SMOC2: variants seen among roughly 807,000 people sequenced by gnomAD.
SMOC2 encodes the protein SPARC-related modular calcium-binding protein 2.
A neutral mutation model predicts 61.4 loss-of-function variants in SMOC2; 39 were observed. The ratio of observed to expected loss-of-function variants is 0.64; its 90% CI spans 0.49 to 0.83. The LOEUF (loss-of-function observed/expected upper bound fraction) is 0.83. Ranked by LOEUF, SMOC2 falls within the 40% of genes least tolerant of loss-of-function variation. The probability of loss-of-function intolerance (pLI) is 0.00; values close to 1 mark genes in which losing one functional copy is unlikely to be tolerated. For synonymous variants in SMOC2, 247 were observed against 239.9 expected, an observed-to-expected ratio of 1.03 and a Z score of -0.27; for missense variants, 556 against 592.9, an observed-to-expected ratio of 0.94 and a Z score of 0.65.
At chr6:168,660,372 G>C (rs1307179310) in intron 11 of SMOC2, among the ~76,000 whole-genome samples, 1 of 152,194 alleles carries the variant, frequency 6.6e-6, no homozygotes, top group Non-Finnish European at 1.5e-5. Flanking sequence ...CTCTGCTAAG[G>C]CTGAGCAGGA....
At chr6:168,621,112 A>C (rs12200109) in intron 9 of SMOC2, among the ~76,000 whole-genome samples, 2 of 150,104 alleles carry the variant, frequency 1.3e-5, no homozygotes, top group Non-Finnish European at 1.5e-5. Flanking sequence ...ACAATCTTTC[A>C]GAAACGTCAG....
intron 4 of SMOC2, among the ~76,000 whole-genome samples, chr6:168,538,967 A>C (rs1217402237): frequency 2.0e-5 from 3 of 152,100 alleles, no homozygotes; most frequent in Non-Finnish European, 4.4e-5. Context: ...CTGTTGTCCC[A>C]TCCCAGGTGG....
At chr6:168,580,416 G>A (rs926515752) in intron 7 of SMOC2, among the ~76,000 whole-genome samples, 10 of 152,188 alleles carry the variant, frequency 6.6e-5, no homozygotes, top group African/African-American at 1.4e-4. Flanking sequence ...TTTTAGGGAC[G>A]GAGGCACCTG....
At chr6:168,527,004 C>T (rs912571273) in intron 3 of SMOC2, among the ~76,000 whole-genome samples, 4 of 152,188 alleles carry the variant, frequency 2.6e-5, no homozygotes, top group Admixed American at 2.0e-4. Flanking sequence ...TAAGGAAAAA[C>T]AAAGTACTAA....
chr6:168,556,048 C>G (rs1784241205), intron 7 of SMOC2, among the ~76,000 whole-genome samples: 1 of 152,170 alleles, frequency 6.6e-6, no homozygotes, highest in African/African-American at 2.4e-5. Flanking sequence ...GGCCTCGGGC[C>G]ATGCGGGTCT....
chr6:168,615,339 C>A (rs1786046200), intron 9 of SMOC2, among the ~76,000 whole-genome samples: 2 of 69,418 alleles, frequency 2.9e-5, no homozygotes, highest in African/African-American at 1.1e-4. Context: ...ACAGCCAGCA[C>A]AGGGCCTCTT....
chr6:168,632,127 G>A (rs1303015414), intron 9 of SMOC2, among the ~76,000 whole-genome samples: 2 of 152,176 alleles, frequency 1.3e-5, no homozygotes, highest in African/African-American at 4.8e-5. Flanking sequence ...ATCTTCATCT[G>A]AAATTTTGTC....
chr6:168,599,965 CACAT>C (rs1785495495), intron 8 of SMOC2, among the ~76,000 whole-genome samples: 1 of 150,116 alleles, frequency 6.7e-6, no homozygotes, highest in Admixed American at 6.6e-5. Flanking sequence ...CACTCACACA[CACAT>C]ACTCTCCCCA....
chr6:168,461,921 C>T lies in SMOC2; in HGVS notation c.84+20467C>T, dbSNP rs559427453. On this transcript the variant is annotated intron_variant, in intron 1 of 12. Transcript: ENST00000356284. The stretch of plus-strand genomic sequence containing the variant: ...GATACGATGTGCATCACTAGGCTCA[C>T]GTGGCAATGGGATGATGCCTTAGTG... Among the ~76,000 whole-genome samples the T allele has an allele frequency of 7.1e-4, 108 of 152,324 alleles. 1 individual carries two copies. The highest frequency in any genetic ancestry group is 3.1e-3 in the Admixed American group (47 of 15,300).
intron 1 of SMOC2, among the ~76,000 whole-genome samples, chr6:168,448,934 A>G (rs1562534847): frequency 2.0e-5 from 3 of 151,982 alleles, no homozygotes; most frequent in African/African-American, 7.3e-5. Context: ...AATATTTTCC[A>G]ATTTTACTAT....
chr6:168,531,011 C>T (rs547453220), intron 4 of SMOC2, among the ~76,000 whole-genome samples: 1 of 152,248 alleles, frequency 6.6e-6, no homozygotes, highest in East Asian at 1.9e-4. Context: ...CTCAGTGGTG[C>T]CGTGCGCTAA....
chr6:168,559,743 T>C (rs1323333784), intron 7 of SMOC2, among the ~76,000 whole-genome samples: 1 of 152,174 alleles, frequency 6.6e-6, no homozygotes, highest in African/African-American at 2.4e-5. Context: ...TCCCTAGCTG[T>C]GAGCAATTAA....
chr6:168,659,048 GGC>G (rs879333463), intron 11 of SMOC2, among the ~76,000 whole-genome samples: 363 of 95,294 alleles, frequency 3.8e-3, no homozygotes, highest in Non-Finnish European at 5.9e-3. Flanking sequence ...GTGTGTGTGT[GGC>G]GTGTGGGGTG....
intron 9 of SMOC2, among the ~76,000 whole-genome samples, chr6:168,631,219 G>T (rs544089065): frequency 1.3e-5 from 2 of 152,202 alleles, no homozygotes; most frequent in South Asian, 4.2e-4. Flanking sequence ...TTTGTACTCT[G>T]TCCCTTTATT....
chr6:168,474,471 C>G (rs1046278246), intron 1 of SMOC2, among the ~76,000 whole-genome samples: 16 of 152,148 alleles, frequency 1.1e-4, no homozygotes, highest in African/African-American at 3.9e-4. Context: ...CGTCTGAGCT[C>G]TCTCTGCTGG....
At chr6:168,663,007 A>T (rs1787561255) in intron 11 of SMOC2, among the ~76,000 whole-genome samples, 1 of 152,200 alleles carries the variant, frequency 6.6e-6, no homozygotes, top group Non-Finnish European at 1.5e-5. Context: ...CCACATGGAG[A>T]TAACGAAGTT....
intron 1 of SMOC2, among the ~76,000 whole-genome samples, chr6:168,473,278 T>C (rs1775397692): frequency 6.6e-6 from 1 of 152,098 alleles, no homozygotes; most frequent in African/African-American, 2.4e-5. Context: ...ATTCTGGCAT[T>C]ACTGAAGGGT....
intron 3 of SMOC2, among the ~76,000 whole-genome samples, chr6:168,527,116 G>A (rs1188963234): frequency 6.6e-6 from 1 of 152,212 alleles, no homozygotes; most frequent in Non-Finnish European, 1.5e-5. Context: ...TGTGAGTTCT[G>A]TGTGTTTACA....
intron 9 of SMOC2, among the ~76,000 whole-genome samples, chr6:168,619,810 C>T (rs1346417721): frequency 6.6e-6 from 1 of 152,206 alleles, no homozygotes; most frequent in Non-Finnish European, 1.5e-5. Context: ...TGCCTGGAGT[C>T]GGAAGGTCTC....
Sources: allele counts gnomAD v4.1 joint callset (sites outside exome capture counted in the v4.1 genomes callset), GRCh38; gene constraint gnomAD v4.1.1; transcripts MANE v1.5; gene names NCBI Gene and HGNC (gene_info 2026-07-23, HGNC 2026-07-21).